Variants in ADARB2 observed in about 807,000 individuals in gnomAD.
ADARB2 encodes the protein adenosine deaminase RNA specific B2 (inactive).
A neutral mutation model predicts 62.2 loss-of-function variants in ADARB2; 25 were observed. The ratio of observed to expected loss-of-function variants is 0.40; its 90% CI spans 0.29 to 0.56. The LOEUF (loss-of-function observed/expected upper bound fraction) is 0.56, where lower values mean the gene tolerates loss of function less well. Among genes scored for constraint, ADARB2 ranks in the 20% least tolerant of loss-of-function variants. The probability of loss-of-function intolerance (pLI) is 0.43; values close to 1 mark genes in which losing one functional copy is unlikely to be tolerated. For synonymous variants in ADARB2, 572 were observed against 500.8 expected, an observed-to-expected ratio of 1.14 and a Z score of -1.90; for missense variants, 1,071 against 1,077.4, an observed-to-expected ratio of 0.99 and a Z score of 0.08.
intron 1 of ADARB2, among the ~76,000 whole-genome samples, 158 bp downstream of exon 1, chr10:1,736,893 G>A (rs1047160744): frequency 6.6e-6 from 1 of 152,206 alleles, no homozygotes; most frequent in Non-Finnish European, 1.5e-5. Context: ...ATTTCCACGG[G>A]ATCTGAACTC....
At chr10:1,687,644 A>G (rs897022803) in intron 1 of ADARB2, among the ~76,000 whole-genome samples, 1 of 150,958 alleles carries the variant, frequency 6.6e-6, no homozygotes, top group Non-Finnish European at 1.5e-5. Context: ...TTAAATAATC[A>G]TATTTTTTTC....
intron 1 of ADARB2, among the ~76,000 whole-genome samples, chr10:1,457,688 G>A (rs1831111795): frequency 6.6e-6 from 1 of 152,126 alleles, no homozygotes; most frequent in African/African-American, 2.4e-5. Flanking sequence ...ATAGCTCCCT[G>A]ATGGCCTCCC....
chr10:1,668,531 C>T (rs938246368), intron 1 of ADARB2, among the ~76,000 whole-genome samples: 3 of 152,118 alleles, frequency 2.0e-5, no homozygotes, highest in African/African-American at 4.8e-5. Flanking sequence ...CAATTAGAAG[C>T]AGTGGTGGGG....
At chr10:1,395,021 T>C in intron 1 of ADARB2, 1 of 453,236 alleles carries the variant, frequency 2.2e-6, no homozygotes, top group Non-Finnish European at 4.4e-6. Context: ...CTGGGCTCAG[T>C]TGATCCTGCC....
chr10:1,303,040 C>T (rs969461928), intron 3 of ADARB2, among the ~76,000 whole-genome samples: 1 of 152,178 alleles, frequency 6.6e-6, no homozygotes, highest in African/African-American at 2.4e-5. Context: ...ATGACTTTGA[C>T]TAGCTGAGAG....
At chr10:1,523,738 A>G (rs1428206612) in intron 1 of ADARB2, among the ~76,000 whole-genome samples, 1 of 152,252 alleles carries the variant, frequency 6.6e-6, no homozygotes, top group Non-Finnish European at 1.5e-5. Context: ...AATTCTCTCT[A>G]AAATCTAGTC....
chr10:1,502,342 G>A (rs935709559), intron 1 of ADARB2, among the ~76,000 whole-genome samples: 1 of 152,222 alleles, frequency 6.6e-6, no homozygotes, highest in African/African-American at 2.4e-5. Context: ...CAGGAAAGAA[G>A]GTTTAGTTCT....
intron 4 of ADARB2, among the ~76,000 whole-genome samples, chr10:1,245,434 C>A (rs1421002340): frequency 6.6e-6 from 1 of 152,092 alleles, no homozygotes; most frequent in African/African-American, 2.4e-5. Context: ...TGTGCTGCAC[C>A]TGTTAACTTG....
At chr10:1,391,145 G>GC (rs1041667853) in intron 1 of ADARB2, among the ~76,000 whole-genome samples, 4 of 152,274 alleles carry the variant, frequency 2.6e-5, no homozygotes, top group African/African-American at 7.2e-5. Flanking sequence ...TACCTGAAGA[G>GC]CCCCTGAGCT....
At chr10:1,345,990 G>A (rs1334264415) in intron 3 of ADARB2, among the ~76,000 whole-genome samples, 2 of 152,098 alleles carry the variant, frequency 1.3e-5, no homozygotes, top group East Asian at 3.9e-4. Context: ...AGAGACTGCC[G>A]GCAGAGGATG....
intron 1 of ADARB2, chr10:1,678,047 A>G (rs1834488789): frequency 2.0e-6 from 1 of 492,840 alleles, no homozygotes; most frequent in Non-Finnish European, 2.6e-6. Flanking sequence ...CAAGGGAACA[A>G]ACTGGATAAT....
At chr10:1,637,016 T>C (rs549698041) in intron 1 of ADARB2, among the ~76,000 whole-genome samples, 10 of 152,146 alleles carry the variant, frequency 6.6e-5, no homozygotes, top group Non-Finnish European at 1.3e-4. Context: ...TTCTTTTTTT[T>C]CTGAAAAGTG....
intron 1 of ADARB2, chr10:1,526,947 T>C (rs1832154571): frequency 2.7e-6 from 1 of 374,962 alleles, no homozygotes; most frequent in African/African-American, 2.1e-5. Context: ...TTGCATTTGT[T>C]AATAATTATG....
intron 1 of ADARB2, among the ~76,000 whole-genome samples, chr10:1,572,077 AGGTGAGTGTGCT>A (rs1221585226): frequency 2.1e-5 from 3 of 142,582 alleles, no homozygotes; most frequent in Non-Finnish European, 3.0e-5. Flanking sequence ...GTGAGTGGAC[AGGTGAGTGTGCT>A]GGTGAGTGTG....
At chr10:1,590,505 C>A (rs1414840086) in intron 1 of ADARB2, among the ~76,000 whole-genome samples, 4 of 152,138 alleles carry the variant, frequency 2.6e-5, no homozygotes, top group Non-Finnish European at 5.9e-5. Context: ...CCCTCCTGCC[C>A]AGAGGCATTT....
At chr10:1,219,580 G>T (rs774194667) in intron 6 of ADARB2, among the ~76,000 whole-genome samples, 1 of 152,240 alleles carries the variant, frequency 6.6e-6, no homozygotes, top group Non-Finnish European at 1.5e-5. Context: ...GAGGTATTGA[G>T]CCTGGGCAGG....
rs201828709 is a variant in ADARB2 at position 1,184,989 on chromosome 10, T to C, written c.1915A>G (p.Met639Val). 2.4e-5 allele frequency: 38 copies of C among 1,613,686 alleles called. No homozygotes were observed. The highest frequency in any genetic ancestry group is 3.0e-5 in the Non-Finnish European group (35 of 1,179,966). The change falls in exon 9 of 10, where the codon ATG becomes GTG. Residue 639 changes from methionine to valine, a missense_variant. Physicochemically the swap from Met to Val is conservative, Grantham distance 21. Coordinates refer to ENST00000381312, the MANE Select transcript of ADARB2 (RefSeq NM_018702.4). Reference sequence around the variant, plus strand: ...TCCGCGCTGCCCACGACCCAGTTCATGCTGAAGGGGGGCGACTTCCCCGGC... The same window carrying C: ...TCCGCGCTGCCCACGACCCAGTTCACGCTGAAGGGGGGCGACTTCCCCGGC... ...RQPGKSPPFSMNWVVGSADLE... is the reference protein window; with the variant it reads ...RQPGKSPPFSVNWVVGSADLE...
rs758457171 is a variant in ADARB2, at chr10:1,180,763, A to G, written c.*2430T>C. Reference sequence around the variant, plus strand: ...CTGCATTGGAAACTCTTCTGTCGCTATCGGCCTTCTCTGAAGAGCTTTAAT... The same window carrying G: ...CTGCATTGGAAACTCTTCTGTCGCTGTCGGCCTTCTCTGAAGAGCTTTAAT... On this transcript the variant is annotated 3_prime_UTR_variant, in exon 10 of 10. Transcript: ENST00000381312. The G allele has an allele frequency of 5.3e-5, 8 of 152,304 alleles. No individual in the cohort carries two copies. Among genetic ancestry groups the G allele is most frequent in the Non-Finnish European group, 8.8e-5 (6 of 68,136 alleles). 9.4% of individuals were successfully genotyped at this position (152,304 alleles called of 1,614,324 possible).
chr10:1,535,404 G>A (rs542327493), intron 1 of ADARB2, among the ~76,000 whole-genome samples: 2 of 152,306 alleles, frequency 1.3e-5, no homozygotes, highest in Admixed American at 6.5e-5. Flanking sequence ...AATATTCCGA[G>A]GTGATACTGA....
Sources: gnomAD v4.1 joint callset for allele counts (sites outside exome capture counted in the v4.1 genomes callset) on GRCh38, gnomAD v4.1.1 for gene constraint, MANE v1.5 for transcripts, NCBI Gene and HGNC (gene_info 2026-07-23, HGNC 2026-07-21) for gene names.